Variants in USH2A observed in about 807,000 individuals in gnomAD.
USH2A encodes the protein Usher syndrome 2A (autosomal recessive, mild).
A neutral mutation model predicts 538.9 loss-of-function variants in USH2A; 443 were observed. The observed-to-expected ratio is 0.82, with a 90% CI of 0.76 to 0.89. The LOEUF (loss-of-function observed/expected upper bound fraction) is 0.89. USH2A is among the 40% of genes least tolerant of loss of function. USH2A has a pLI of 0.00. For missense variants in USH2A, 6,633 were observed against 6,324.8 expected (o/e 1.05, Z -1.65); for synonymous variants, 2,413 against 2,273.5 (o/e 1.06, Z -1.75).
intron 21 of USH2A, among the ~76,000 whole-genome samples, chr1:216,157,905 A>G (rs900034686): frequency 6.6e-6 from 1 of 152,170 alleles, no homozygotes; most frequent in Non-Finnish European, 1.5e-5. Flanking sequence ...CATGCAATAT[A>G]GCCAAGTAAC....
chr1:216,314,866 C>T (rs1222830564), intron 9 of USH2A, among the ~76,000 whole-genome samples: 1 of 152,040 alleles, frequency 6.6e-6, no homozygotes, highest in African/African-American at 2.4e-5. Context: ...GCTTGGCTAC[C>T]CTTGCAGGTA....
At chr1:215,982,802 TATTATGA>T (rs1233651324) in intron 35 of USH2A, among the ~76,000 whole-genome samples, 1 of 152,024 alleles carries the variant, frequency 6.6e-6, no homozygotes, top group East Asian at 1.9e-4. Flanking sequence ...ACATTAGAGG[TATTATGA>T]GGATGTAAAG....
chr1:216,021,841 TG>T (rs1032575933), intron 32 of USH2A, among the ~76,000 whole-genome samples: 24 of 152,132 alleles, frequency 1.6e-4, no homozygotes, highest in African/African-American at 4.8e-4. Context: ...GGATAGGGTT[TG>T]TTTGGCCCTG....
At chr1:215,885,560 CTT>C (rs1665028782) in intron 41 of USH2A, among the ~76,000 whole-genome samples, 1 of 152,090 alleles carries the variant, frequency 6.6e-6, no homozygotes, top group Non-Finnish European at 1.5e-5. Flanking sequence ...TGACACAACT[CTT>C]TGACATTATA....
intron 70 of USH2A, among the ~76,000 whole-genome samples, chr1:215,631,573 T>G (rs1436047077): frequency 1.3e-5 from 2 of 152,182 alleles, no homozygotes; most frequent in African/African-American, 2.4e-5. Flanking sequence ...TGGATAGGAT[T>G]AAATTATGAT....
At chr1:215,827,223 A>G (rs1663180849) in intron 47 of USH2A, among the ~76,000 whole-genome samples, 1 of 152,196 alleles carries the variant, frequency 6.6e-6, no homozygotes, top group Non-Finnish European at 1.5e-5. Flanking sequence ...CCCAGAATGC[A>G]TAAGTGGGTT....
At chr1:215,630,121 C>G in intron 70 of USH2A, 1 of 516,940 alleles carries the variant, frequency 1.9e-6, no homozygotes, top group African/African-American at 1.9e-5. Flanking sequence ...ATGATCTGTT[C>G]CTGCTTTTCA....
chr1:215,913,720 T>A lies in USH2A; in HGVS notation c.7301-12815A>T, dbSNP rs149523450. 2.2e-3 allele frequency among the ~76,000 whole-genome samples: 329 copies of A among 152,068 alleles called. 1 individual carries two copies. The highest frequency in any genetic ancestry group is 7.6e-3 in the African/African-American group (317 of 41,478). ...GGAATGAATGGATTTATCATCTTAT[T>A]GATATACTTTGATTCGAGTTTTTTT... On this transcript the variant is annotated intron_variant, in intron 38 of 71. Coordinates refer to ENST00000307340, the MANE Select transcript of USH2A (RefSeq NM_206933.4).
chr1:216,230,448 T>A (rs1391325640), intron 14 of USH2A, among the ~76,000 whole-genome samples: 1 of 152,178 alleles, frequency 6.6e-6, no homozygotes, highest in African/African-American at 2.4e-5. Context: ...GTGATAGAAG[T>A]AGAGCGTCAC....
intron 62 of USH2A, among the ~76,000 whole-genome samples, chr1:215,678,778 G>A (rs574812113): frequency 4.6e-5 from 7 of 152,158 alleles, no homozygotes; most frequent in African/African-American, 1.7e-4. Flanking sequence ...GAACCTGACT[G>A]TCTTGTTCAC....
At chr1:216,133,423 A>G (rs2102604145) in intron 21 of USH2A, among the ~76,000 whole-genome samples, 1 of 152,164 alleles carries the variant, frequency 6.6e-6, no homozygotes, top group East Asian at 1.9e-4. Context: ...TTACATAAAA[A>G]AGACATATGT....
chr1:216,247,185 G>C lies in USH2A; in HGVS notation c.2209C>G (p.Arg737Gly). Residue 737 changes from arginine (R) to glycine (G), a missense_variant, in exon 13 of 72, where the codon CGA becomes GGA. Arg to Gly is a moderately radical substitution (Grantham distance 125, BLOSUM62 -2). Coordinates refer to ENST00000307340, the MANE Select transcript of USH2A (RefSeq NM_206933.4). ...TCACATCCAACATCATTAAAGCTTC[G>C]GAGAAATTTAAATCCAAAATTGCAA... ...DHCNFGFKFL[R>G]SFNDVGCEPC... is the part of the protein sequence containing the mutation. The C allele has an allele frequency of 6.2e-7, 1 of 1,613,848 alleles. No homozygotes were observed. The highest frequency in any genetic ancestry group is 1.1e-5 in the South Asian group (1 of 91,074).
chr1:216,289,194 T>C lies in USH2A; in HGVS notation c.1971+86A>G, dbSNP rs572584643. ...ATAGAGGATTTCCTGGCAAATGCAG[T>C]CTTCAATTCTACTAGTGGAATAACA... On this transcript the variant is annotated intron_variant, in intron 11 of 71. Coordinates refer to ENST00000307340, the MANE Select transcript of USH2A (RefSeq NM_206933.4). 2,705 of 1,591,026 alleles carry C rather than the reference T, an allele frequency of 1.7e-3. 72 individuals carry two copies. In the South Asian group the frequency reaches 0.029, roughly 17 times the overall value.
At chr1:215,912,499 A>ATATATACG (rs1553275510) in intron 38 of USH2A, among the ~76,000 whole-genome samples, 1 of 43,236 alleles carries the variant, frequency 2.3e-5, no homozygotes, top group Non-Finnish European at 4.5e-5. Flanking sequence ...ATGTGTATAT[A>ATATATACG]TATATATATA....
rs143234279 is a variant in USH2A at position 215,922,070 on chromosome 1, C to T, written c.7300+12546G>A. ...TCCAATAGACAGCAAACCCTAGAAT[C>T]CAGGATGAAGATGTAACTGACTTGA... On this transcript the variant is annotated intron_variant, in intron 38 of 71. Transcript: ENST00000307340. 4.9e-3 allele frequency among the ~76,000 whole-genome samples: 752 copies of T among 152,122 alleles called. 6 individuals carry two copies. The highest frequency in any genetic ancestry group is 0.02 in the Middle Eastern group (6 of 294).
intron 63 of USH2A, among the ~76,000 whole-genome samples, chr1:215,671,978 A>T (rs1657832587): frequency 6.6e-6 from 1 of 152,176 alleles, no homozygotes; most frequent in African/African-American, 2.4e-5. Context: ...TGCGGGGCCA[A>T]AGTTAACCCA....
rs780581599 is a variant in USH2A, at chr1:216,394,720, C to CTTTTTTTTTTTTTTTTTTTTTTTTT, written c.651+23793_651+23794insAAAAAAAAAAAAAAAAAAAAAAAAA. ...CTTAAGGCCTAATAACTGGTCCAGT[C>CTTTTTTTTTTTTTTTTTTTTTTTTT]TTTTTTTTTTTTTTTTGAGACAGAG... is the stretch of plus-strand genomic sequence containing the variant. On this transcript the variant is annotated intron_variant, in intron 3 of 71. Coordinates refer to ENST00000307340, the MANE Select transcript of USH2A (RefSeq NM_206933.4). Among the ~76,000 whole-genome samples the CTTTTTTTTTTTTTTTTTTTTTTTTT allele has an allele frequency of 1.3e-4, 16 of 120,322 alleles. 1 individual carries two copies. The highest frequency in any genetic ancestry group is 3.1e-4 in the South Asian group (1 of 3,266). 78.9% of individuals were successfully genotyped at this position (120,322 alleles called of 152,430 possible).
At chr1:215,994,656 A>G (rs987517725) in intron 34 of USH2A, among the ~76,000 whole-genome samples, 1 of 152,070 alleles carries the variant, frequency 6.6e-6, no homozygotes, top group Admixed American at 6.6e-5. Flanking sequence ...GGTTTCCTCT[A>G]ATTCTCAGCT....
intron 47 of USH2A, among the ~76,000 whole-genome samples, chr1:215,832,659 A>G (rs959720486): frequency 3.3e-5 from 5 of 151,996 alleles, no homozygotes; most frequent in Middle Eastern, 3.2e-3. Flanking sequence ...TCTAAGGGTA[A>G]AAGACTGAAA....
Sources: gnomAD v4.1 joint callset for allele counts (sites outside exome capture counted in the v4.1 genomes callset) on GRCh38, gnomAD v4.1.1 for gene constraint, MANE v1.5 for transcripts, NCBI Gene and HGNC (gene_info 2026-07-23, HGNC 2026-07-21) for gene names.